GMDS: variants seen among roughly 807,000 people sequenced by gnomAD.
GMDS encodes the protein GDP-mannose 4,6 dehydratase.
A neutral mutation model predicts 49.9 loss-of-function variants in GMDS; 20 were observed. The ratio of observed to expected loss-of-function variants is 0.40; its 90% CI spans 0.28 to 0.58. GMDS has a LOEUF of 0.58. Among genes scored for constraint, GMDS ranks in the 20% least tolerant of loss-of-function variants. The pLI is 0.42. For missense variants in GMDS, 362 were observed against 481.4 expected (o/e 0.75, Z 2.32); for synonymous variants, 177 against 178.6 (o/e 0.99, Z 0.07).
chr6:2,068,993 A>T (rs1415151248), intron 4 of GMDS, among the ~76,000 whole-genome samples: 1 of 152,242 alleles, frequency 6.6e-6, no homozygotes, highest in Non-Finnish European at 1.5e-5. Context: ...AGCTGGAGGC[A>T]TCACACTACC....
At chr6:1,972,196 T>C (rs1243796013) in intron 4 of GMDS, among the ~76,000 whole-genome samples, 1 of 151,698 alleles carries the variant, frequency 6.6e-6, no homozygotes, top group Non-Finnish European at 1.5e-5. Context: ...TTAAAATAAA[T>C]TCTAATTTGT....
chr6:1,661,166 G>T (rs1290970288), intron 9 of GMDS, among the ~76,000 whole-genome samples: 1 of 152,094 alleles, frequency 6.6e-6, no homozygotes, highest in Non-Finnish European at 1.5e-5. Flanking sequence ...GCTGTAACTG[G>T]CCTGAAGTCT....
intron 7 of GMDS, among the ~76,000 whole-genome samples, chr6:1,772,486 A>G (rs1040532): frequency 0.48 from 73,080 of 152,068 alleles, 19,707 homozygotes; most frequent in African/African-American, 0.73. Context: ...AACTGCATCC[A>G]ACAATGGTTA....
At position 1,726,318 on chromosome 6, in the gene GMDS, T is replaced by G. The variant is rs956769076; in HGVS notation, c.987+98A>C. 5.1e-6 allele frequency: 4 copies of G among 788,258 alleles called. No homozygotes were observed. The South Asian group carries it at 5.7e-5, about 11-fold the overall frequency. The allele number at this position is 788,258 out of a possible 1,614,324, so 48.8% of individuals were successfully genotyped here. On this transcript the variant is annotated intron_variant, in intron 9 of 10. Coordinates refer to ENST00000380815, the MANE Select transcript of GMDS (RefSeq NM_001500.4). ...GCTGAAGGATGCCAGGGAGCTGAAC[T>G]GACAGCTCCAAAGGCTGGCACCAGG...
chr6:2,230,577 A>C (rs1247011154), intron 1 of GMDS, among the ~76,000 whole-genome samples: 1 of 152,232 alleles, frequency 6.6e-6, no homozygotes. Flanking sequence ...GGTAACGCTT[A>C]AATAGGTTAA....
At chr6:1,845,082 G>T (rs958947217) in intron 7 of GMDS, among the ~76,000 whole-genome samples, 2 of 152,134 alleles carry the variant, frequency 1.3e-5, no homozygotes, top group Admixed American at 1.3e-4. Flanking sequence ...ATGTGACTCT[G>T]GTTACAGGAG....
chr6:1,864,917 T>G (rs1450027890), intron 7 of GMDS, among the ~76,000 whole-genome samples: 1 of 152,218 alleles, frequency 6.6e-6, no homozygotes, highest in African/African-American at 2.4e-5. Context: ...ATGTTAAAAA[T>G]AGTTTTGAAC....
At chr6:1,860,218 T>C (rs1201491722) in intron 7 of GMDS, among the ~76,000 whole-genome samples, 1 of 152,226 alleles carries the variant, frequency 6.6e-6, no homozygotes, top group Non-Finnish European at 1.5e-5. Flanking sequence ...AATCTTATAA[T>C]GAAGTTCTAT....
chr6:2,230,162 T>C (rs73420775), intron 1 of GMDS, among the ~76,000 whole-genome samples: 2,415 of 152,276 alleles, frequency 0.016, 50 homozygotes, highest in African/African-American at 0.053. Context: ...TCCTGAAATC[T>C]TTCCCAAATC....
intron 1 of GMDS, among the ~76,000 whole-genome samples, chr6:2,147,079 T>C (rs1363435146): frequency 6.6e-6 from 1 of 151,828 alleles, no homozygotes; most frequent in Non-Finnish European, 1.5e-5. Flanking sequence ...AAAATAGGAG[T>C]CCTATTTGAC....
chr6:2,197,100 T>G (rs1779305547), intron 1 of GMDS, among the ~76,000 whole-genome samples: 1 of 152,206 alleles, frequency 6.6e-6, no homozygotes, highest in East Asian at 1.9e-4. Context: ...ATGTCTTATG[T>G]GAAGAACGAA....
intron 1 of GMDS, among the ~76,000 whole-genome samples, chr6:2,131,130 T>C (rs968341270): frequency 1.3e-5 from 2 of 152,198 alleles, no homozygotes; most frequent in African/African-American, 4.8e-5. Context: ...ATGATTATTG[T>C]AAACCCTTAG....
intron 7 of GMDS, among the ~76,000 whole-genome samples, chr6:1,909,013 C>T (rs1351062377): frequency 4.6e-5 from 7 of 152,064 alleles, no homozygotes; most frequent in South Asian, 2.1e-4. Flanking sequence ...AAAAAGGCTA[C>T]GTAGATGAAA....
chr6:2,043,093 G>A (rs904447435), intron 4 of GMDS, among the ~76,000 whole-genome samples: 2 of 152,134 alleles, frequency 1.3e-5, no homozygotes, highest in African/African-American at 4.8e-5. Flanking sequence ...AGACAAAGGG[G>A]TCCTGCAGCA....
intron 1 of GMDS, among the ~76,000 whole-genome samples, chr6:2,197,244 C>G (rs1197017611): frequency 3.9e-5 from 6 of 152,172 alleles, no homozygotes; most frequent in African/African-American, 1.2e-4. Context: ...ATGTCCCTGA[C>G]TCATCCAAGC....
At position 1,853,301 on chromosome 6, in the gene GMDS, G is replaced by A. The variant is rs1040106069; in HGVS notation, c.771+76802C>T. Among the ~76,000 whole-genome samples, 691 of 151,444 alleles carry A rather than the reference G, an allele frequency of 4.6e-3. 3 individuals carry two copies. The highest frequency in any genetic ancestry group is 0.016 in the African/African-American group (652 of 41,302). ...TGGGAGGCCGAGGCGGGCGGATCAC[G>A]AGGTCAGGAGATCGAGACCATCCTG... On this transcript the variant is annotated intron_variant, in intron 7 of 10. Coordinates refer to ENST00000380815, the MANE Select transcript of GMDS (RefSeq NM_001500.4).
At chr6:1,696,131 TGGCTCAGTGCTCCA>T (rs1260364274) in intron 9 of GMDS, among the ~76,000 whole-genome samples, 1 of 152,044 alleles carries the variant, frequency 6.6e-6, no homozygotes, top group African/African-American at 2.4e-5. Context: ...TCCATGATCT[TGGCTCAGTGCTCCA>T]GGGTTCCTAA....
chr6:2,022,385 A>G lies in GMDS; in HGVS notation c.346-61419T>C, dbSNP rs574500625. The stretch of plus-strand genomic sequence containing the variant: ...TCCATGCTCTGAAAGACAAGTGACA[A>G]TTTTGTGGCACTTTTCTGGTATTTT... On this transcript the variant is annotated intron_variant, in intron 4 of 10. Coordinates refer to ENST00000380815, the MANE Select transcript of GMDS (RefSeq NM_001500.4). Among the ~76,000 whole-genome samples the G allele has an allele frequency of 2.6e-5, 4 of 152,290 alleles. No individual in the cohort carries two copies. In the East Asian group the frequency reaches 7.7e-4, roughly 29 times the overall value.
intron 4 of GMDS, among the ~76,000 whole-genome samples, chr6:2,010,420 C>G (rs1767490590): frequency 6.7e-6 from 1 of 148,546 alleles, no homozygotes; most frequent in East Asian, 2.0e-4. Context: ...ATGTTGCAAA[C>G]AGAGTGAAAA....
Sources: allele counts gnomAD v4.1 joint callset (sites outside exome capture counted in the v4.1 genomes callset), GRCh38; gene constraint gnomAD v4.1.1; transcripts MANE v1.5; gene names NCBI Gene and HGNC (gene_info 2026-07-23, HGNC 2026-07-21).